ANAPC2: variants seen among roughly 807,000 people sequenced by gnomAD.
The protein encoded by ANAPC2 is anaphase-promoting complex subunit 2.
Under a neutral mutation model 84.3 loss-of-function variants are expected in ANAPC2, and 29 were observed. That is an observed-to-expected ratio of 0.34 (90% CI 0.26 to 0.47). The LOEUF (loss-of-function observed/expected upper bound fraction) is 0.47, where lower values mean the gene tolerates loss of function less well. Among genes scored for constraint, ANAPC2 ranks in the 20% least tolerant of loss-of-function variants. ANAPC2 has a pLI of 1.00. For missense variants in ANAPC2, 857 were observed against 1,131.7 expected, an observed-to-expected ratio of 0.76 and a Z score of 3.48; for synonymous variants, 571 against 479.4, an observed-to-expected ratio of 1.19 and a Z score of -2.50.
chr9:137,187,349 T>G (rs1332281676), intron 2 of ANAPC2, 132 bp downstream of exon 2: 4 of 1,207,934 alleles, frequency 3.3e-6, no homozygotes, highest in Non-Finnish European at 4.5e-6. Context: ...CAGGAATCCC[T>G]GGGACTCTCT....
intron 6 of ANAPC2, among the ~76,000 whole-genome samples, chr9:137,182,114 A>G (rs772573504): frequency 6.6e-6 from 1 of 152,242 alleles, no homozygotes. Flanking sequence ...ACATAGGGAC[A>G]CTAAGCCAGA....
intron 7 of ANAPC2, among the ~76,000 whole-genome samples, chr9:137,181,137 G>A (rs895461941): frequency 6.6e-6 from 1 of 152,214 alleles, no homozygotes; most frequent in Non-Finnish European, 1.5e-5. Flanking sequence ...TCACCCCACA[G>A]GGACCTTCCG....
In ANAPC2 at chr9:137,183,171, T is replaced by C. The variant is rs1171160272; in HGVS notation, c.1240A>G (p.Met414Val). ...TCACAGGCCACCTCCAGGATGACCA[T>C]GGAAGGGTCCAGCACGCGCAGCGCC... is the stretch of plus-strand genomic sequence containing the variant. ...IKALRVLDPS[M>V]VILEVACEPI... The change falls in exon 6 of 13, where the codon ATG (methionine) becomes GTG (valine). Residue 414 changes from methionine to valine, a missense_variant. Transcript: ENST00000323927. The C allele has an allele frequency of 7.4e-6, 12 of 1,613,160 alleles. No individual in the cohort carries two copies. The highest frequency in any genetic ancestry group is 1.1e-5 in the South Asian group (1 of 91,080).
rs1336001310 is a variant in ANAPC2, at chr9:137,175,852, G to A, written c.1891-15C>T. On this transcript the variant is annotated splice_polypyrimidine_tract_variant and intron_variant, in intron 10 of 12. Transcript: ENST00000323927. The stretch of plus-strand genomic sequence containing the variant: ...GTCCGCATGGCCTAAGGAGGGCCAG[G>A]GTCAGCACGGGCAGCTCGGCTGCAG... 1 of 1,594,062 alleles carries A rather than the reference G, an allele frequency of 6.3e-7. No individual in the cohort carries two copies. The highest frequency in any genetic ancestry group is 2.3e-5 in the East Asian group (1 of 43,940).
intron 10 of ANAPC2, chr9:137,176,906 T>C (rs1834231487): frequency 6.6e-6 from 1 of 152,232 alleles, no homozygotes; most frequent in Non-Finnish European, 1.5e-5. Context: ...AAACAATCAG[T>C]GAGGCAGGGA....
At chr9:137,186,183 C>T in intron 3 of ANAPC2, 41 bp downstream of exon 3, 1 of 1,601,882 alleles carries the variant, frequency 6.2e-7, no homozygotes. Context: ...AACCTACTCC[C>T]CTGTCTCCAG....
chr9:137,183,644 T>G (rs775862490), intron 5 of ANAPC2, 28 bp downstream of exon 5: 1 of 1,600,420 alleles, frequency 6.2e-7, no homozygotes, highest in Non-Finnish European at 8.5e-7. Context: ...AAGCCCAGAG[T>G]GCTGGGTGGC....
At chr9:137,175,569 C>G in intron 11 of ANAPC2, 97 bp from the exon 12 acceptor site, 1 of 1,479,212 alleles carries the variant, frequency 6.8e-7, no homozygotes, top group Non-Finnish European at 9.0e-7. Flanking sequence ...CCCGGGCCAC[C>G]CTGCCTTGCC....
At chr9:137,177,448 A>C (rs1433057209) in intron 10 of ANAPC2, among the ~76,000 whole-genome samples, 1 of 152,052 alleles carries the variant, frequency 6.6e-6, no homozygotes. Context: ...CTCCAGCCTC[A>C]CCTGTACCTT....
chr9:137,175,729 A>T lies in ANAPC2; in HGVS notation c.1999T>A (p.Leu667Met). 1 of 1,611,640 alleles carries T rather than the reference A, an allele frequency of 6.2e-7. No individual in the cohort carries two copies. Residue 667 changes from leucine to methionine, a missense_variant, in exon 11 of 13, where the codon TTG becomes ATG. By Grantham distance (15) the Leu-to-Met change is conservative. Transcript: ENST00000323927. ...VAVTPVQAVI[L>M]LYFQDQASWT... ...TCACCTTGGTCCTGAAAATACAGCA[A>T]GATCACCGCCTGTACTGGGGTGACC...
chr9:137,175,943 C>T, intron 10 of ANAPC2, 106 bp from the exon 11 acceptor site: 4 of 1,393,224 alleles, frequency 2.9e-6, no homozygotes, highest in Non-Finnish European at 2.9e-6. Flanking sequence ...AGCCACCTGC[C>T]CCACCCCACC....
rs984044817 is a variant in ANAPC2 at position 137,187,717 on chromosome 9, G to A, written c.504C>T (p.Thr168=). ...ACAGACGCTGGATCATCTCTTGGAA[G>A]GTTCTGGGGGTGCTAAAGAACAAGA... ...RGVLFFSTPR[T]FQEMIQRLYG... is the part of the protein sequence containing the mutation. Residue 168 remains threonine (T), a synonymous_variant, in exon 2 of 13, where the codon ACC becomes ACT. Coordinates refer to ENST00000323927, the MANE Select transcript of ANAPC2 (RefSeq NM_013366.4). 3.1e-6 allele frequency: 5 copies of A among 1,613,932 alleles called. No individual in the cohort carries two copies. Among genetic ancestry groups the A allele is most frequent in the Non-Finnish European group, 4.2e-6 (5 of 1,180,028 alleles).
At position 137,184,406 on chromosome 9, in the gene ANAPC2, A is replaced by G. The variant is rs143468125; in HGVS notation, c.1048+507T>C. ...GAAGGCACGGGGAGCCCAGACGCAG[A>G]CACAGGGAGCCCAGACGCAGACACA... On this transcript the variant is annotated intron_variant, in intron 4 of 12. Coordinates refer to ENST00000323927, the MANE Select transcript of ANAPC2 (RefSeq NM_013366.4). Among the ~76,000 whole-genome samples, 1,439 of 148,056 alleles carry G rather than the reference A, an allele frequency of 9.7e-3. 64 individuals carry two copies. In the South Asian group the frequency reaches 0.14, roughly 15 times the overall value.
chr9:137,188,354 C>T (rs1834525474), intron 1 of ANAPC2, 62 bp downstream of exon 1: 5 of 1,540,312 alleles, frequency 3.2e-6, no homozygotes, highest in Non-Finnish European at 3.5e-6. Context: ...GGGTAGCGGC[C>T]CCAAAGCGCG....
Position 137,175,405 on chromosome 9 carries a change from C to T in ANAPC2, c.2088G>A (p.Met696Ile), listed in dbSNP as rs1270103462. 10 of 1,607,766 alleles carry T rather than the reference C, an allele frequency of 6.2e-6. No homozygotes were observed. The highest frequency in any genetic ancestry group is 1.3e-5 in the African/African-American group (1 of 74,926). Residue 696 changes from methionine to isoleucine, a missense_variant, in exon 12 of 13, where the codon ATG becomes ATA. Transcript: ENST00000323927. ...GCACACCCTGCTGCAGCCACACGGA[C>T]ATCCGCCGCCGCAGCAGCGCCACGG... ...KMPVALLRRR[M>I]SVWLQQGVLR...
chr9:137,186,188 C>A, intron 3 of ANAPC2, 36 bp downstream of exon 3: 1 of 1,605,516 alleles, frequency 6.2e-7, no homozygotes, highest in Non-Finnish European at 8.5e-7. Flanking sequence ...ACTCCCCTGT[C>A]TCCAGCGGGG....
chr9:137,186,178 A>C (rs1834463449), intron 3 of ANAPC2, 46 bp downstream of exon 3: 16 of 1,597,704 alleles, frequency 1.0e-5, no homozygotes, highest in Non-Finnish European at 1.4e-5. Flanking sequence ...CCAGAAACCT[A>C]CTCCCCTGTC....
At position 137,185,059 on chromosome 9, in the gene ANAPC2, C is replaced by T. The variant is rs1260861356; in HGVS notation, c.902G>A (p.Gly301Asp). The T allele has an allele frequency of 6.4e-7, 1 of 1,551,082 alleles. No homozygotes were observed. ...GGGGCCGTCCTGCAGGAACACCTTG[C>T]CGAGCCAGCCGACCACCCGCTCGAT... Reference protein sequence around the residue: ...KWIERVVGWLGKVFLQDGPAR... With the variant: ...KWIERVVGWLDKVFLQDGPAR... The change falls in exon 4 of 13, where the codon GGC (glycine) becomes GAC (aspartate). Residue 301 changes from glycine (G) to aspartate (D), a missense_variant. Gly to Asp is a moderately conservative substitution (Grantham distance 94). Transcript: ENST00000323927.
At position 137,180,264 on chromosome 9, in the gene ANAPC2, G is replaced by A. The variant is rs765107046; in HGVS notation, c.1807C>T (p.Pro603Ser). The A allele has an allele frequency of 2.5e-6, 4 of 1,613,758 alleles. No individual in the cohort carries two copies. The highest frequency in any genetic ancestry group is 1.1e-5 in the South Asian group (1 of 91,088). ...ACCTCCAGCTTCTCGTCCTTGAAGG[G>A]CGGCCAGAACTCACTGGACAGGATG... ...AVILSSEFWP[P>S]FKDEKLEVPE... The change falls in exon 10 of 13, where the codon CCC becomes TCC. Residue 603 changes from proline to serine, a missense_variant. Coordinates refer to ENST00000323927, the MANE Select transcript of ANAPC2 (RefSeq NM_013366.4).
Sources: gnomAD v4.1 joint callset for allele counts (sites outside exome capture counted in the v4.1 genomes callset) on GRCh38, gnomAD v4.1.1 for gene constraint, MANE v1.5 for transcripts, NCBI Gene and HGNC (gene_info 2026-07-23, HGNC 2026-07-21) for gene names.